Variants in COL4A5 observed in about 807,000 individuals in gnomAD.
COL4A5 encodes the protein collagen alpha-5(IV) chain.
A neutral mutation model predicts 130.2 loss-of-function variants in COL4A5; 26 were observed. The ratio of observed to expected loss-of-function variants is 0.20; its 90% CI spans 0.15 to 0.28. The LOEUF (loss-of-function observed/expected upper bound fraction) is 0.28, where lower values mean the gene tolerates loss of function less well. Among genes scored for constraint, COL4A5 ranks in the 10% least tolerant of loss-of-function variants. The pLI is 1.00. For missense variants in COL4A5, 1,131 were observed against 1,344.3 expected, an observed-to-expected ratio of 0.84 and a Z score of 2.48; for synonymous variants, 496 against 439.6, an observed-to-expected ratio of 1.13 and a Z score of -1.60.
chrX:108,691,298 A>T lies in COL4A5; in HGVS notation c.4529-1450A>T, dbSNP rs970220640. 5.4e-5 allele frequency among the ~76,000 whole-genome samples: 6 copies of T among 110,848 alleles called. No individual in the cohort carries two copies. The East Asian group carries it at 1.7e-3, about 31-fold the overall frequency. Reference sequence around the variant, plus strand: ...TTAAAAAATATATTGTACATGAGTGATGGACACCCTAAATACCCTGACTTG... The same window carrying T: ...TTAAAAAATATATTGTACATGAGTGTTGGACACCCTAAATACCCTGACTTG... On this transcript the variant is annotated intron_variant, in intron 49 of 52. Coordinates refer to ENST00000328300, the MANE Select transcript of COL4A5 (RefSeq NM_033380.3).
Position 108,680,869 on chromosome X carries a change from T to G in COL4A5, c.4016-16T>G, listed in dbSNP as rs775007873. On this transcript the variant is annotated splice_polypyrimidine_tract_variant and intron_variant, in intron 45 of 52. Transcript: ENST00000328300. ...CCTGTTGCTTTGCCATAAAACTGTA[T>G]GTACCTTCTGTGCAGGCATGAAAGG... 47 of 1,206,464 alleles carry G rather than the reference T, an allele frequency of 3.9e-5. No homozygotes were observed. In the Admixed American group the frequency reaches 9.6e-4, roughly 25 times the overall value.
At chrX:108,475,900 A>C (rs979014192) in intron 1 of COL4A5, among the ~76,000 whole-genome samples, 1 of 111,758 alleles carries the variant, frequency 8.9e-6, no homozygotes, top group Admixed American at 9.5e-5. Flanking sequence ...AACCTCTCTA[A>C]ATTCTGATTT....
intron 1 of COL4A5, among the ~76,000 whole-genome samples, chrX:108,445,716 C>A (rs983977334): frequency 1.8e-5 from 2 of 111,585 alleles, no homozygotes; most frequent in Non-Finnish European, 1.9e-5. Context: ...TGATTAAAGT[C>A]CCTTTTGAAG....
intron 1 of COL4A5, among the ~76,000 whole-genome samples, chrX:108,518,810 G>T (rs993737893): frequency 2.7e-5 from 3 of 111,133 alleles, no homozygotes; most frequent in Non-Finnish European, 5.7e-5. Flanking sequence ...TGGTTAAAAG[G>T]CTTTCCAACT....
chrX:108,594,076 T>A (rs1385651906), intron 21 of COL4A5, among the ~76,000 whole-genome samples: 1 of 111,889 alleles, frequency 8.9e-6, no homozygotes, highest in Non-Finnish European at 1.9e-5. Flanking sequence ...GAACTTGACA[T>A]CCTGATCAAA....
chrX:108,519,498 G>T (rs1158229980), intron 1 of COL4A5, among the ~76,000 whole-genome samples: 1 of 110,826 alleles, frequency 9.0e-6, no homozygotes, highest in African/African-American at 3.3e-5. Context: ...TTAACTTCAT[G>T]CTATGATAGA....
intron 46 of COL4A5, 133 bp from the exon 47 acceptor site, chrX:108,681,627 T>C (rs1345975814): frequency 1.4e-6 from 1 of 716,775 alleles, no homozygotes; most frequent in Non-Finnish European, 2.1e-6. Flanking sequence ...CTAAACAGAT[T>C]TCTGTTAGAT....
intron 36 of COL4A5, among the ~76,000 whole-genome samples, chrX:108,642,264 C>T (rs1361222063): frequency 9.1e-6 from 1 of 110,457 alleles, no homozygotes; most frequent in Non-Finnish European, 1.9e-5. Flanking sequence ...GCTCAGAGGT[C>T]CCTAGCCCTG....
chrX:108,671,502 G>A (rs2068206733), intron 42 of COL4A5, among the ~76,000 whole-genome samples: 2 of 111,997 alleles, frequency 1.8e-5, no homozygotes, highest in South Asian at 7.4e-4. Context: ...ATGTCGAGGA[G>A]AAATTATCCA....
At chrX:108,477,153 G>C (rs2147519473) in intron 1 of COL4A5, among the ~76,000 whole-genome samples, 1 of 111,482 alleles carries the variant, frequency 9.0e-6, no homozygotes, top group African/African-American at 3.3e-5. Context: ...AATCTCTTTT[G>C]GTGACACCCT....
intron 42 of COL4A5, among the ~76,000 whole-genome samples, chrX:108,673,735 TATA>T (rs758392388): frequency 3.0e-4 from 32 of 106,262 alleles, no homozygotes; most frequent in Middle Eastern, 4.8e-3. Context: ...ATAATAATAA[TATA>T]ATAATAATAA....
In COL4A5 at chrX:108,537,312, C is replaced by T. The variant is rs184013562; in HGVS notation, c.82-2434C>T. 4.9e-3 allele frequency among the ~76,000 whole-genome samples: 539 copies of T among 111,040 alleles called. 3 individuals carry two copies. Among genetic ancestry groups the T allele is most frequent in the Non-Finnish European group, 8.0e-3 (423 of 52,808 alleles). On this transcript the variant is annotated intron_variant, in intron 1 of 52. Transcript: ENST00000328300. ...TCATAACCTAGGTGGAATAAATAGA[C>T]TATAAATTAAAATTTTAAATTGAAT...
Position 108,454,982 on chromosome X carries a change from A to T in COL4A5, c.81+14776A>T, listed in dbSNP as rs376334883. ...AATAAAATGCATATATTTGAAGTGT[A>T]CAATTTGAGTTGTGACATATGTATA... On this transcript the variant is annotated intron_variant, in intron 1 of 52. Coordinates refer to ENST00000328300, the MANE Select transcript of COL4A5 (RefSeq NM_033380.3). Among the ~76,000 whole-genome samples, 65 of 111,828 alleles carry T rather than the reference A, an allele frequency of 5.8e-4. 1 individual carries two copies. Among genetic ancestry groups the T allele is most frequent in the African/African-American group, 2.0e-3 (62 of 30,816 alleles).
In COL4A5 at chrX:108,620,322, C is replaced by G. The variant is rs759037508; in HGVS notation, c.2573C>G (p.Pro858Arg). The G allele has an allele frequency of 1.7e-6, 2 of 1,206,488 alleles. No individual in the cohort carries two copies. The highest frequency in any genetic ancestry group is 3.5e-5 in the African/African-American group (2 of 56,957). The change falls in exon 31 of 53, where the codon CCC becomes CGC. Residue 858 changes from proline to arginine, a missense_variant. Pro to Arg is a moderately radical substitution (Grantham distance 103). Coordinates refer to ENST00000328300, the MANE Select transcript of COL4A5 (RefSeq NM_033380.3). ...PGPPGLDVPGPPGERGSPGIP... is the reference protein window; with the variant it reads ...PGPPGLDVPGRPGERGSPGIP... The stretch of plus-strand genomic sequence containing the variant: ...CCTCCTGGACTTGATGTTCCAGGAC[C>G]CCCAGGTGAAAGAGGCAGTCCAGGG...
In COL4A5 at chrX:108,532,126, T is replaced by C. The variant is rs1278641878; in HGVS notation, c.82-7620T>C. On this transcript the variant is annotated intron_variant, in intron 1 of 52. Transcript: ENST00000328300. ...CCCTGATATGAAAATCAGACAAGGA[T>C]TCAACCAAAAAAGAAAACTGCTGGC... 2.7e-5 allele frequency among the ~76,000 whole-genome samples: 3 copies of C among 111,446 alleles called. No homozygotes were observed. In the Admixed American group the frequency reaches 2.9e-4, roughly 11 times the overall value.
chrX:108,472,278 T>G (rs751160376), intron 1 of COL4A5, among the ~76,000 whole-genome samples: 12 of 111,788 alleles, frequency 1.1e-4, no homozygotes, highest in Non-Finnish European at 2.1e-4. Context: ...TCTTAGAGAA[T>G]GTTACATATG....
chrX:108,592,728 GTT>G lies in COL4A5; in HGVS notation c.1423+1095_1423+1096del, dbSNP rs61326888. On this transcript the variant is annotated intron_variant, in intron 21 of 52. Transcript: ENST00000328300. ...TCCCTTAGCTTTCAGTACATTTCCTGTTTTTTTTTTTTCATTCCTCTGTGGTG... is the reference window on the plus strand; with the variant it reads ...TCCCTTAGCTTTCAGTACATTTCCTGTTTTTTTTTTCATTCCTCTGTGGTG... Among the ~76,000 whole-genome samples the G allele has an allele frequency of 4.3e-5, 4 of 93,621 alleles. No individual in the cohort carries two copies. In the East Asian group the frequency reaches 1.0e-3, roughly 23 times the overall value. The allele number at this position is 93,621 out of a possible 115,157, so 81.3% of individuals were successfully genotyped here. A position where few individuals can be genotyped will look rare whatever the true frequency, so the allele number is the denominator to read the frequency against.
intron 49 of COL4A5, among the ~76,000 whole-genome samples, chrX:108,688,990 A>G (rs1199386570): frequency 2.7e-5 from 3 of 111,816 alleles, no homozygotes; most frequent in African/African-American, 9.8e-5. Context: ...CATGTAAGTC[A>G]GTGGTCATAG....
chrX:108,603,452 T>C (rs927843961), intron 28 of COL4A5, among the ~76,000 whole-genome samples: 4 of 111,586 alleles, frequency 3.6e-5, no homozygotes, highest in East Asian at 2.8e-4. Flanking sequence ...GTTTACACTA[T>C]ACTGTAGTCT....
Sources: allele counts gnomAD v4.1 joint callset (sites outside exome capture counted in the v4.1 genomes callset), GRCh38; gene constraint gnomAD v4.1.1; transcripts MANE v1.5; gene names NCBI Gene and HGNC (gene_info 2026-07-23, HGNC 2026-07-21).